The following ZNF469 variants were observed in gnomAD, a reference collection of about 807,000 sequenced individuals.
ZNF469 encodes the protein zinc finger protein 469.
A neutral mutation model predicts 1.0 loss-of-function variants in ZNF469; 1 was observed. The observed-to-expected ratio is 1.00, with a 90% CI of 0.35 to 4.73. ZNF469 has a LOEUF of 4.73. ZNF469 is among the 30% of genes most tolerant of loss of function. The pLI is 0.16. For synonymous variants in ZNF469, 2,703 were observed against 2,363.4 expected (o/e 1.14, Z -4.17); for missense variants, 6,100 against 5,356.3 (o/e 1.14, Z -4.33).
At chr16:88,237,815 A>G in the ZNF469 span, among the ~76,000 whole-genome samples, 1 of 132,590 alleles carries the variant, frequency 7.5e-6, no homozygotes. Flanking sequence ...CCCTCCCTGC[A>G]CTCTGTGCTC....
chr16:88,120,592 C>T, the ZNF469 span, among the ~76,000 whole-genome samples: 1 of 152,222 alleles, frequency 6.6e-6, no homozygotes, highest in Non-Finnish European at 1.5e-5. Context: ...GAGGCGAGAG[C>T]CCTCAACCAG....
At chr16:88,117,839 G>T in the ZNF469 span, among the ~76,000 whole-genome samples, 1 of 152,238 alleles carries the variant, frequency 6.6e-6, no homozygotes, top group South Asian at 2.1e-4. Flanking sequence ...AAGGTGGGAG[G>T]CCGCCGTGTC....
chr16:88,198,518 A>T, the ZNF469 span, among the ~76,000 whole-genome samples: 23 of 152,252 alleles, frequency 1.5e-4, no homozygotes, highest in East Asian at 4.1e-3. Flanking sequence ...CAGCTGGTGC[A>T]GCTAAGGAGC....
chr16:88,333,896 G>C, the ZNF469 span, among the ~76,000 whole-genome samples: 1 of 149,952 alleles, frequency 6.7e-6, no homozygotes, highest in Non-Finnish European at 1.5e-5. Flanking sequence ...GTCTGTGTGT[G>C]TGTTTTTGTG....
intron 1 of ZNF469, among the ~76,000 whole-genome samples, chr16:88,408,727 G>C (rs546180837): frequency 2.2e-4 from 33 of 151,186 alleles, no homozygotes; most frequent in Non-Finnish European, 4.6e-4. Context: ...GGCCAGCCCT[G>C]ACCCTCCCGC....
the ZNF469 span, among the ~76,000 whole-genome samples, chr16:88,133,289 T>C: frequency 6.6e-6 from 1 of 152,244 alleles, no homozygotes; most frequent in African/African-American, 2.4e-5. Flanking sequence ...GGTCAAATCA[T>C]TACTGCTGGC....
chr16:88,113,559 G>A, the ZNF469 span, among the ~76,000 whole-genome samples: 1 of 152,174 alleles, frequency 6.6e-6, no homozygotes, highest in African/African-American at 2.4e-5. Flanking sequence ...GGCTCGGGGA[G>A]GAACAGTTTA....
chr16:88,388,095 C>A (rs1364892336), intron 1 of ZNF469, among the ~76,000 whole-genome samples: 1 of 152,248 alleles, frequency 6.6e-6, no homozygotes, highest in Non-Finnish European at 1.5e-5. Flanking sequence ...AGGGGCTCCC[C>A]AGAGAGGAGA....
chr16:88,394,194 G>A (rs879570964), intron 1 of ZNF469, among the ~76,000 whole-genome samples: 19,369 of 147,586 alleles, frequency 0.13, 6,616 homozygotes, highest in Non-Finnish European at 0.17. Flanking sequence ...TGCGCTGCCT[G>A]GGAGGAGCGG....
Position 88,438,118 on chromosome 16 carries a change from T to C in ZNF469, c.10648T>C (p.Cys3550Arg). ...GCELPSNHQE[C>R]PPPSLSPFPA... ...TGAGCTGCCATCCAACCACCAGGAG[T>C]GTCCCCCGCCGTCTCTGTCTCCCTT... is the stretch of plus-strand genomic sequence containing the variant. Residue 3550 changes from cysteine to arginine, a missense_variant, in exon 3 of 3, where the codon TGT (cysteine) becomes CGT (arginine). By Grantham distance (180) the Cys-to-Arg change is radical. Coordinates refer to ENST00000565624, the MANE Select transcript of ZNF469 (RefSeq NM_001367624.2). 6.5e-6 allele frequency: 10 copies of C among 1,550,102 alleles called. No individual in the cohort carries two copies. The highest frequency in any genetic ancestry group is 7.8e-6 in the Non-Finnish European group (9 of 1,146,886).
the ZNF469 span, among the ~76,000 whole-genome samples, chr16:88,298,371 G>A: frequency 2.0e-5 from 3 of 152,200 alleles, no homozygotes; most frequent in African/African-American, 7.2e-5. Context: ...GGAAAGGGCG[G>A]ATGACACATG....
intron 2 of ZNF469, among the ~76,000 whole-genome samples, chr16:88,426,351 C>T (rs1433384062): frequency 2.0e-5 from 3 of 152,260 alleles, no homozygotes; most frequent in South Asian, 2.1e-4. Flanking sequence ...AAAGGACGCC[C>T]GGTCCCTGCT....
intron 1 of ZNF469, among the ~76,000 whole-genome samples, chr16:88,402,987 G>A (rs1299277286): frequency 6.6e-6 from 1 of 152,254 alleles, no homozygotes; most frequent in East Asian, 1.9e-4. Context: ...AGATGAAGCA[G>A]CAAATGGCAA....
At chr16:88,337,243 C>A in the ZNF469 span, among the ~76,000 whole-genome samples, 1 of 152,144 alleles carries the variant, frequency 6.6e-6, no homozygotes, top group African/African-American at 2.4e-5. Flanking sequence ...CAGGAGGTAA[C>A]TGAATCATGG....
At chr16:88,335,956 C>T in the ZNF469 span, among the ~76,000 whole-genome samples, 5 of 151,704 alleles carry the variant, frequency 3.3e-5, no homozygotes, top group African/African-American at 4.9e-5. Context: ...CATGCCAATG[C>T]CACGCATGTT....
At chr16:88,294,057 C>A in the ZNF469 span, among the ~76,000 whole-genome samples, 1 of 152,176 alleles carries the variant, frequency 6.6e-6, no homozygotes, top group Non-Finnish European at 1.5e-5. Flanking sequence ...CCCCCAGTGC[C>A]TCAAGAGAGG....
chr16:88,192,254 T>A, the ZNF469 span: 1 of 152,206 alleles, frequency 6.6e-6, no homozygotes, highest in Non-Finnish European at 1.5e-5. Flanking sequence ...TGCAGGGAGA[T>A]GGAGCAGGGA....
At chr16:88,309,906 C>T in the ZNF469 span, among the ~76,000 whole-genome samples, 1 of 152,220 alleles carries the variant, frequency 6.6e-6, no homozygotes, top group Admixed American at 6.5e-5. Context: ...TCAGCTGTAA[C>T]CTGAGGGCCT....
At position 88,430,806 on chromosome 16, in the gene ZNF469, A is replaced by G; in HGVS notation, c.3336A>G (p.Arg1112=). The change falls in exon 3 of 3, where the codon AGA becomes AGG. Residue 1112 remains arginine (R), a synonymous_variant. Coordinates refer to ENST00000565624, the MANE Select transcript of ZNF469 (RefSeq NM_001367624.2). Reference sequence around the variant, plus strand: ...CTCCGCCGCGGGGCCCCGGCTTCAGAGGCCGGCGGGGCCGAGGCGAGAAGA... The same window carrying G: ...CTCCGCCGCGGGGCCCCGGCTTCAGGGGCCGGCGGGGCCGAGGCGAGAAGA... ...EQPPPRGPGF[R]GRRGRGEKRK... is the part of the protein sequence containing the mutation. 1 of 1,529,252 alleles carries G rather than the reference A, an allele frequency of 6.5e-7. No individual in the cohort carries two copies. Among genetic ancestry groups the G allele is most frequent in the African/African-American group, 1.4e-5 (1 of 72,264 alleles). 94.7% of individuals were successfully genotyped at this position (1,529,252 alleles called of 1,614,324 possible). A position where few individuals can be genotyped will look rare whatever the true frequency, so the allele number is the denominator to read the frequency against.
Sources: allele counts gnomAD v4.1 joint callset (sites outside exome capture counted in the v4.1 genomes callset), GRCh38; gene constraint gnomAD v4.1.1; transcripts MANE v1.5; gene names NCBI Gene and HGNC (gene_info 2026-07-23, HGNC 2026-07-21).